Variants in SPDYA observed in about 807,000 individuals in gnomAD.
SPDYA encodes speedy protein A.
In SPDYA, 11 loss-of-function variants were observed where a neutral mutation model predicts 36.7. The observed-to-expected ratio is 0.30, with a 90% CI of 0.19 to 0.50. The LOEUF is 0.50. Ranked by LOEUF, SPDYA falls within the 20% of genes least tolerant of loss-of-function variation. The probability of loss-of-function intolerance (pLI) is 0.98; values close to 1 mark genes in which losing one functional copy is unlikely to be tolerated. For synonymous variants in SPDYA, 115 were observed against 118.7 expected, an observed-to-expected ratio of 0.97 and a Z score of 0.20; for missense variants, 287 against 370.9, an observed-to-expected ratio of 0.77 and a Z score of 1.86.
intron 5 of SPDYA, 143 bp downstream of exon 5, chr2:28,822,553 G>T: frequency 2.6e-6 from 1 of 387,618 alleles, no homozygotes; most frequent in Non-Finnish European, 4.7e-6. Context: ...TACTTTAATA[G>T]GATATTTTTA....
Position 28,840,393 on chromosome 2 carries a change from A to G in SPDYA, c.774A>G (p.Lys258=). 1 of 1,613,126 alleles carries G rather than the reference A, an allele frequency of 6.2e-7. No individual in the cohort carries two copies. ...LSSHTAGVTE[K]HSQDSYNSLS... ...GTCATACAGCAGGGGTGACAGAAAA[A>G]CATTCTCAGGACTCATACAACTCAC... is the stretch of plus-strand genomic sequence containing the variant. Residue 258 remains lysine, a synonymous_variant, in exon 7 of 8, where the codon AAA becomes AAG. Coordinates refer to ENST00000334056, the MANE Select transcript of SPDYA (RefSeq NM_182756.4).
chr2:28,846,774 A>C (rs1017349286), intron 7 of SPDYA, among the ~76,000 whole-genome samples: 1 of 115,872 alleles, frequency 8.6e-6, no homozygotes, highest in East Asian at 3.5e-4. Flanking sequence ...CACACACACA[A>C]AGGGAAGTGA....
intron 7 of SPDYA, among the ~76,000 whole-genome samples, chr2:28,845,562 T>G (rs1018892135): frequency 2.6e-5 from 4 of 152,214 alleles, no homozygotes; most frequent in African/African-American, 9.6e-5. Context: ...CTTTGTTTGT[T>G]TGAGATGGAG....
intron 3 of SPDYA, among the ~76,000 whole-genome samples, chr2:28,817,713 T>C (rs1668022706): frequency 6.7e-6 from 1 of 149,820 alleles, no homozygotes; most frequent in Admixed American, 6.6e-5. Flanking sequence ...CCATCAGGCG[T>C]GGTGGTGCAT....
At chr2:28,836,954 A>G (rs1668619834) in intron 6 of SPDYA, among the ~76,000 whole-genome samples, 1 of 152,210 alleles carries the variant, frequency 6.6e-6, no homozygotes. Flanking sequence ...TTCATGCATC[A>G]TGGAGGGTAG....
At chr2:28,834,919 C>T (rs1208282584) in intron 6 of SPDYA, among the ~76,000 whole-genome samples, 2 of 152,122 alleles carry the variant, frequency 1.3e-5, no homozygotes, top group Non-Finnish European at 2.9e-5. Flanking sequence ...TCTGTATTCC[C>T]TTTCTCAGTT....
chr2:28,827,303 T>C (rs906685747), intron 5 of SPDYA, among the ~76,000 whole-genome samples: 6 of 152,202 alleles, frequency 3.9e-5, no homozygotes, highest in Non-Finnish European at 8.8e-5. Flanking sequence ...TTTAGACTTA[T>C]CTCTCAGTTC....
intron 4 of SPDYA, among the ~76,000 whole-genome samples, 183 bp from the exon 5 acceptor site, chr2:28,822,142 A>G (rs555278094): frequency 6.6e-6 from 1 of 152,328 alleles, no homozygotes; most frequent in South Asian, 2.1e-4. Context: ...ATAGTCAAGA[A>G]TTACTTTTCA....
intron 6 of SPDYA, among the ~76,000 whole-genome samples, chr2:28,831,864 C>T (rs577651066): frequency 3.3e-5 from 5 of 152,292 alleles, no homozygotes; most frequent in Admixed American, 3.3e-4. Context: ...ACGATCTTTG[C>T]TCCTATCCAA....
chr2:28,845,232 C>T (rs952942342), intron 7 of SPDYA, among the ~76,000 whole-genome samples: 37 of 149,914 alleles, frequency 2.5e-4, no homozygotes, highest in Non-Finnish European at 4.6e-4. Context: ...ACTACAGGCA[C>T]GTGCCACCAT....
At chr2:28,823,630 GAAAA>G (rs1192990521) in intron 5 of SPDYA, among the ~76,000 whole-genome samples, 2 of 59,846 alleles carry the variant, frequency 3.3e-5, no homozygotes, top group Admixed American at 1.9e-4. Flanking sequence ...TCTCAGGAAA[GAAAA>G]AAAAAAAAAG....
chr2:28,846,766 CACACACAA>C (rs1480861550), intron 7 of SPDYA, among the ~76,000 whole-genome samples: 6 of 129,410 alleles, frequency 4.6e-5, no homozygotes, highest in East Asian at 2.0e-4. Flanking sequence ...CACACACACA[CACACACAA>C]AGGGAAGTGA....
chr2:28,834,443 A>T (rs1005342921), intron 6 of SPDYA, among the ~76,000 whole-genome samples: 28 of 152,376 alleles, frequency 1.8e-4, no homozygotes, highest in Middle Eastern at 3.4e-3. Flanking sequence ...AGCAGTATTC[A>T]TAATAGCCAA....
chr2:28,833,977 A>T (rs1052310247), intron 6 of SPDYA, among the ~76,000 whole-genome samples: 3 of 152,136 alleles, frequency 2.0e-5, no homozygotes, highest in Non-Finnish European at 2.9e-5. Context: ...TGTATCTAGA[A>T]ATATAAAGAG....
chr2:28,810,904 C>T lies in SPDYA; in HGVS notation c.-136C>T, dbSNP rs1667822799. The T allele has an allele frequency of 6.6e-6, 1 of 152,222 alleles. No individual in the cohort carries two copies. The highest frequency in any genetic ancestry group is 2.4e-5 in the African/African-American group (1 of 41,424). 9.4% of individuals were successfully genotyped at this position (152,222 alleles called of 1,614,324 possible). A position where few individuals can be genotyped will look rare whatever the true frequency, so the allele number is the denominator to read the frequency against. ...AGGAGCGCTGCGACGGAGCCTTGAC[C>T]GCCGTTGCCCGGCCCTCTCCCGCGC... On this transcript the variant is annotated 5_prime_UTR_variant, in exon 1 of 8. Coordinates refer to ENST00000334056, the MANE Select transcript of SPDYA (RefSeq NM_182756.4).
At chr2:28,832,387 T>C (rs1485691439) in intron 6 of SPDYA, among the ~76,000 whole-genome samples, 2 of 152,190 alleles carry the variant, frequency 1.3e-5, no homozygotes, top group Non-Finnish European at 2.9e-5. Flanking sequence ...ACCAACTTCA[T>C]TAGAGTGCCC....
chr2:28,815,294 AC>A (rs1667957993), intron 2 of SPDYA, among the ~76,000 whole-genome samples: 1 of 147,424 alleles, frequency 6.8e-6, no homozygotes, highest in Non-Finnish European at 1.5e-5. Context: ...ACACACACAC[AC>A]ACACACACAC....
At chr2:28,831,733 ACT>A (rs542911558) in intron 6 of SPDYA, among the ~76,000 whole-genome samples, 147 of 152,256 alleles carry the variant, frequency 9.7e-4, no homozygotes, top group Admixed American at 7.9e-3. Flanking sequence ...ATCATGCATT[ACT>A]CTCTTTTACT....
At chr2:28,840,699 T>C (rs930600288) in intron 7 of SPDYA, 1 of 1,260,992 alleles carries the variant, frequency 7.9e-7, no homozygotes, top group Admixed American at 3.8e-5. Context: ...TGAAAACTAA[T>C]GCACCATAAG....
Sources: allele counts gnomAD v4.1 joint callset (sites outside exome capture counted in the v4.1 genomes callset), GRCh38; gene constraint gnomAD v4.1.1; transcripts MANE v1.5; gene names NCBI Gene and HGNC (gene_info 2026-07-23, HGNC 2026-07-21).